BTF3L4: variants seen among roughly 807,000 people sequenced by gnomAD.
BTF3L4 encodes the protein basic transcription factor 3 like 4.
Under a neutral mutation model 16.8 loss-of-function variants are expected in BTF3L4, and 6 were observed. The observed-to-expected ratio is 0.36, with a 90% CI of 0.20 to 0.71. The LOEUF is 0.71. Among genes scored for constraint, BTF3L4 ranks in the 30% least tolerant of loss-of-function variants. The pLI, the probability that BTF3L4 is intolerant of heterozygous loss-of-function variation, is 0.58. For synonymous variants in BTF3L4, 39 were observed against 59.8 expected, an observed-to-expected ratio of 0.65 and a Z score of 1.60; for missense variants, 92 against 186.9, an observed-to-expected ratio of 0.49 and a Z score of 2.96.
chr1:52,066,706 C>T (rs1261435468), intron 3 of BTF3L4, among the ~76,000 whole-genome samples: 9 of 151,018 alleles, frequency 6.0e-5, no homozygotes, highest in South Asian at 2.1e-4. Flanking sequence ...ATTAGCCGGG[C>T]ATGGTGGCGG....
At chr1:52,074,280 C>T (rs928277519) in intron 3 of BTF3L4, among the ~76,000 whole-genome samples, 2 of 152,028 alleles carry the variant, frequency 1.3e-5, no homozygotes, top group African/African-American at 2.4e-5. Flanking sequence ...TCACTGCAAC[C>T]TCTGCTTCCC....
intron 3 of BTF3L4, chr1:52,065,436 T>C (rs1413478440): frequency 1.3e-5 from 2 of 152,258 alleles, no homozygotes; most frequent in African/African-American, 4.8e-5. Context: ...CGGCTGATTT[T>C]TGTGTTTTTA....
In BTF3L4 at chr1:52,086,833, G is replaced by T; in HGVS notation, c.*75G>T. The T allele has an allele frequency of 1.2e-6, 1 of 845,886 alleles. No individual in the cohort carries two copies. The highest frequency in any genetic ancestry group is 1.9e-6 in the Non-Finnish European group (1 of 532,358). 52.4% of individuals were successfully genotyped at this position (845,886 alleles called of 1,614,324 possible). A position where few individuals can be genotyped will look rare whatever the true frequency, so the allele number is the denominator to read the frequency against. On this transcript the variant is annotated 3_prime_UTR_variant, in exon 6 of 6. Transcript: ENST00000313334. Reference sequence around the variant, plus strand: ...TGTGGTTCCAAAGTTTTACAGACATGGAGAACATCACCTGTTACTAGTTCA... The same window carrying T: ...TGTGGTTCCAAAGTTTTACAGACATTGAGAACATCACCTGTTACTAGTTCA...
Position 52,086,946 on chromosome 1 carries a change from TA to T in BTF3L4, c.*189del, listed in dbSNP as rs1240790009. The stretch of plus-strand genomic sequence containing the variant: ...TTGCATTTTGCACTTCCTCCCAGGA[TA>T]TTTTTTTGGTCAAAATATGAAGTAT... On this transcript the variant is annotated 3_prime_UTR_variant, in exon 6 of 6. Transcript: ENST00000313334. 3 of 462,664 alleles carry T rather than the reference TA, an allele frequency of 6.5e-6. No homozygotes were observed. Among genetic ancestry groups the T allele is most frequent in the African/African-American group, 6.1e-5 (3 of 48,836 alleles). 28.7% of individuals were successfully genotyped at this position (462,664 alleles called of 1,614,324 possible).
At chr1:52,086,017 CTG>C (rs371562313) in intron 4 of BTF3L4, 93 bp from the exon 5 acceptor site, 36 of 721,796 alleles carry the variant, frequency 5.0e-5, no homozygotes, top group African/African-American at 3.3e-4. Context: ...CTGAGCAACT[CTG>C]TGTGATTTAT....
intron 2 of BTF3L4, among the ~76,000 whole-genome samples, chr1:52,063,349 C>T (rs1352125015): frequency 6.6e-6 from 1 of 152,184 alleles, no homozygotes; most frequent in Non-Finnish European, 1.5e-5. Flanking sequence ...AAGCACCAAG[C>T]AGTTGAGCTA....
chr1:52,077,271 G>T (rs184700916), intron 3 of BTF3L4, among the ~76,000 whole-genome samples: 1 of 152,244 alleles, frequency 6.6e-6, no homozygotes, highest in Non-Finnish European at 1.5e-5. Context: ...GCTGGGCGCG[G>T]TAGCTCCTAC....
At chr1:52,082,559 ACCC>A (rs2124444736) in intron 3 of BTF3L4, among the ~76,000 whole-genome samples, 1 of 152,174 alleles carries the variant, frequency 6.6e-6, no homozygotes, top group African/African-American at 2.4e-5. Flanking sequence ...ACATGGTGAA[ACCC>A]CATCTGTACT....
intron 3 of BTF3L4, among the ~76,000 whole-genome samples, chr1:52,068,244 T>G (rs1210282539): frequency 6.6e-6 from 1 of 152,232 alleles, no homozygotes. Context: ...GTCATGGTGT[T>G]GCTGTAATTG....
At chr1:52,066,292 CAAG>C (rs1412190769) in intron 3 of BTF3L4, among the ~76,000 whole-genome samples, 1 of 151,396 alleles carries the variant, frequency 6.6e-6, no homozygotes, top group Non-Finnish European at 1.5e-5. Context: ...CTTCTGGGCT[CAAG>C]AAATTTCTGC....
chr1:52,056,690 A>C (rs114577316), intron 1 of BTF3L4, among the ~76,000 whole-genome samples: 1 of 152,252 alleles, frequency 6.6e-6, no homozygotes, highest in African/African-American at 2.4e-5. Flanking sequence ...TGCTCACAAC[A>C]GCAGTGTTGT....
At chr1:52,068,423 A>G (rs974971220) in intron 3 of BTF3L4, among the ~76,000 whole-genome samples, 3 of 152,182 alleles carry the variant, frequency 2.0e-5, no homozygotes, top group African/African-American at 4.8e-5. Context: ...AGACAAATCA[A>G]TATGTATTAT....
In BTF3L4 at chr1:52,064,810, T is replaced by C; in HGVS notation, c.55-15T>C. Reference sequence around the variant, plus strand: ...GGCATGCTAACACTTCTGCTTCTGTTTGGTTATTTTTCAGGGTACAGCTCG... The same window carrying C: ...GGCATGCTAACACTTCTGCTTCTGTCTGGTTATTTTTCAGGGTACAGCTCG... On this transcript the variant is annotated splice_polypyrimidine_tract_variant and intron_variant, in intron 2 of 5. Transcript: ENST00000313334. 6.4e-7 allele frequency: 1 copy of C among 1,567,042 alleles called. No homozygotes were observed. The highest frequency in any genetic ancestry group is 8.7e-7 in the Non-Finnish European group (1 of 1,144,982).
chr1:52,071,324 C>T (rs1380559636), intron 3 of BTF3L4: 1 of 152,202 alleles, frequency 6.6e-6, no homozygotes, highest in African/African-American at 2.4e-5. Context: ...TCCTGTCTTT[C>T]CAGGTATAGT....
At chr1:52,064,192 C>A (rs971416445) in intron 2 of BTF3L4, among the ~76,000 whole-genome samples, 3 of 152,184 alleles carry the variant, frequency 2.0e-5, no homozygotes, top group Admixed American at 1.3e-4. Flanking sequence ...CATTCTTGCC[C>A]TAGTTATGGG....
intron 4 of BTF3L4, among the ~76,000 whole-genome samples, chr1:52,085,106 C>T (rs1317447982): frequency 6.8e-6 from 1 of 146,354 alleles, no homozygotes; most frequent in Non-Finnish European, 1.5e-5. Flanking sequence ...CTGCAACCTC[C>T]ACCTGCCGGG....
At chr1:52,058,083 A>T (rs749048414) in intron 1 of BTF3L4, among the ~76,000 whole-genome samples, 4 of 152,092 alleles carry the variant, frequency 2.6e-5, no homozygotes, top group African/African-American at 4.8e-5. Context: ...CTACACTCTC[A>T]TGGCCACATT....
intron 4 of BTF3L4, among the ~76,000 whole-genome samples, chr1:52,084,602 G>T (rs1268678743): frequency 4.0e-5 from 6 of 151,874 alleles, no homozygotes. Flanking sequence ...GACCAGCCTG[G>T]GCAACATGGT....
intron 2 of BTF3L4, among the ~76,000 whole-genome samples, chr1:52,063,896 G>T (rs1002388306): frequency 5.3e-5 from 8 of 152,170 alleles, no homozygotes; most frequent in African/African-American, 1.9e-4. Context: ...GGCTACAGGA[G>T]CCTCCTGACT....
Sources: gnomAD v4.1 joint callset for allele counts (sites outside exome capture counted in the v4.1 genomes callset) on GRCh38, gnomAD v4.1.1 for gene constraint, MANE v1.5 for transcripts, NCBI Gene and HGNC (gene_info 2026-07-23, HGNC 2026-07-21) for gene names.